Variants in NAV3 observed in about 807,000 individuals in gnomAD.
NAV3 encodes the protein neuron navigator 3.
A neutral mutation model predicts 244.7 loss-of-function variants in NAV3; 87 were observed. The ratio of observed to expected loss-of-function variants is 0.36; its 90% CI spans 0.30 to 0.42. NAV3 has a LOEUF of 0.42. Ranked by LOEUF, NAV3 falls within the 20% of genes least tolerant of loss-of-function variation. NAV3 has a pLI of 1.00. For missense variants in NAV3, 2,663 were observed against 2,893.3 expected, an observed-to-expected ratio of 0.92 and a Z score of 1.83; for synonymous variants, 1,126 against 1,042.2, an observed-to-expected ratio of 1.08 and a Z score of -1.55.
intron 5 of NAV3, among the ~76,000 whole-genome samples, chr12:77,979,942 C>A (rs748162673): frequency 2.4e-4 from 36 of 151,888 alleles, no homozygotes; most frequent in African/African-American, 8.5e-4. Context: ...AGAAGGGATA[C>A]CAGTCTCAAA....
intron 2 of NAV3, among the ~76,000 whole-genome samples, chr12:77,662,223 ATCTG>A (rs540033274): frequency 0.098 from 11,101 of 112,788 alleles, 495 homozygotes; most frequent in Admixed American, 0.15. Context: ...CTTCATATCT[ATCTG>A]TCTATCTATC....
chr12:77,806,636 T>C (rs990896441), intron 2 of NAV3, among the ~76,000 whole-genome samples: 1 of 152,226 alleles, frequency 6.6e-6, no homozygotes, highest in African/African-American at 2.4e-5. Flanking sequence ...GAAGAATGTG[T>C]ATTCTGTTGA....
chr12:77,965,962 G>A (rs761451576), intron 3 of NAV3, among the ~76,000 whole-genome samples: 15 of 152,120 alleles, frequency 9.9e-5, no homozygotes, highest in Non-Finnish European at 2.1e-4. Context: ...CCAGTTTTAT[G>A]TTAAGTAGGT....
intron 2 of NAV3, among the ~76,000 whole-genome samples, chr12:77,676,823 C>T (rs984545611): frequency 6.6e-6 from 1 of 151,886 alleles, no homozygotes; most frequent in African/African-American, 2.4e-5. Context: ...AGAAAAGGCC[C>T]CCTCCCCTCC....
chr12:77,635,469 C>T (rs1335069583), intron 2 of NAV3, among the ~76,000 whole-genome samples: 1 of 152,084 alleles, frequency 6.6e-6, no homozygotes, highest in Non-Finnish European at 1.5e-5. Context: ...AAACTTTTCT[C>T]CTGAAATCTT....
chr12:78,025,181 C>G (rs566499740), intron 9 of NAV3, among the ~76,000 whole-genome samples: 2 of 152,266 alleles, frequency 1.3e-5, no homozygotes, highest in South Asian at 4.1e-4. Flanking sequence ...ATCCAAGGAT[C>G]AAGTCTCAGG....
chr12:77,812,592 G>A lies in NAV3; in HGVS notation c.73-127727G>A, dbSNP rs113780008. ...ACTATGCCCGGCTAATTTTTGTCTC[G>A]TTAGTAGAGATGAGGTTTCACCACA... On this transcript the variant is annotated intron_variant, in intron 2 of 8. Transcript: ENST00000550042. 1.3e-3 allele frequency among the ~76,000 whole-genome samples: 199 copies of A among 151,712 alleles called. 2 individuals carry two copies. Among genetic ancestry groups the A allele is most frequent in the African/African-American group, 4.6e-3 (189 of 41,370 alleles).
chr12:77,878,863 T>A (rs1489141550), intron 1 of NAV3, among the ~76,000 whole-genome samples: 1 of 152,102 alleles, frequency 6.6e-6, no homozygotes, highest in East Asian at 1.9e-4. Flanking sequence ...TGGACTTGAA[T>A]TATTTTCTCA....
At chr12:78,036,739 G>A in intron 9 of NAV3, 2 of 591,912 alleles carry the variant, frequency 3.4e-6, no homozygotes, top group South Asian at 4.2e-5. Context: ...AATCTTCTGT[G>A]AATGTGTGAG....
intron 1 of NAV3, among the ~76,000 whole-genome samples, chr12:77,939,486 C>T (rs926974251): frequency 6.6e-5 from 10 of 152,144 alleles, no homozygotes; most frequent in Admixed American, 4.6e-4. Flanking sequence ...AATAAATCCA[C>T]TAATATATGC....
At chr12:78,148,785 T>A in intron 21 of NAV3, 57 bp from the exon 22 acceptor site, 2 of 1,494,230 alleles carry the variant, frequency 1.3e-6, no homozygotes, top group Non-Finnish European at 1.8e-6. Flanking sequence ...GTTTGAATTC[T>A]GGGTTTTAAG....
chr12:77,641,287 T>A (rs76694910), intron 2 of NAV3, among the ~76,000 whole-genome samples: 1,766 of 152,138 alleles, frequency 0.012, 23 homozygotes, highest in African/African-American at 0.041. Context: ...GAAGGAGACA[T>A]CTCAGTGAGA....
At chr12:78,101,493 C>T (rs989352650) in intron 12 of NAV3, among the ~76,000 whole-genome samples, 3 of 151,870 alleles carry the variant, frequency 2.0e-5, no homozygotes, top group Non-Finnish European at 4.4e-5. Flanking sequence ...TTTTGTAGGT[C>T]GAGAGTAAGG....
chr12:77,765,885 A>C (rs1037384220), intron 2 of NAV3, among the ~76,000 whole-genome samples: 7 of 152,182 alleles, frequency 4.6e-5, no homozygotes, highest in Admixed American at 2.6e-4. Context: ...AGAAGAAAAA[A>C]TATATAATAA....
Position 78,159,214 on chromosome 12 carries a change from A to G in NAV3, c.4797A>G (p.Val1599=), listed in dbSNP as rs1402187986. The G allele has an allele frequency of 6.2e-7, 1 of 1,613,182 alleles. No homozygotes were observed. The highest frequency in any genetic ancestry group is 1.7e-5 in the Admixed American group (1 of 59,920). The stretch of plus-strand genomic sequence containing the variant: ...CATTCTGTTCACAGGCTCACCTTGT[A>G]GCAGCTTTTGAAAAGAGCTTAGGGA... The part of the protein sequence containing the change: ...TSQLSANAHL[V]AAFEKSLGNM... Residue 1599 remains valine, a synonymous_variant, in exon 23 of 40, where the codon GTA becomes GTG. Coordinates refer to ENST00000397909, the MANE Select transcript of NAV3 (RefSeq NM_001024383.2).
rs61932079 is a variant in NAV3, at chr12:77,642,569, T to C, written c.72+70303T>C. 9.8e-3 allele frequency among the ~76,000 whole-genome samples: 1,488 copies of C among 152,204 alleles called. 10 individuals are homozygous for C. Among genetic ancestry groups the C allele is most frequent in the Non-Finnish European group, 0.017 (1,154 of 67,972 alleles). ...ACAGTCTGGAAGACTGAGGGTAGTA[T>C]GCGCTATGGGAATGCTTAAAAATCA... On this transcript the variant is annotated intron_variant, in intron 2 of 8. Coordinates refer to the NAV3 transcript ENST00000550042.
At chr12:78,127,087 C>A (rs2138804836) in intron 16 of NAV3, 80 bp from the exon 17 acceptor site, 1 of 1,433,260 alleles carries the variant, frequency 7.0e-7, no homozygotes, top group South Asian at 1.2e-5. Context: ...TTTTATAGTT[C>A]AGAGAACCAT....
At chr12:77,984,451 C>T (rs1263281381) in intron 5 of NAV3, among the ~76,000 whole-genome samples, 1 of 151,002 alleles carries the variant, frequency 6.6e-6, no homozygotes, top group Non-Finnish European at 1.5e-5. Flanking sequence ...AGAATATTTA[C>T]AGTGCCTCCA....
At chr12:78,139,493 A>G (rs1956514691) in intron 19 of NAV3, among the ~76,000 whole-genome samples, 1 of 152,182 alleles carries the variant, frequency 6.6e-6, no homozygotes, top group Non-Finnish European at 1.5e-5. Flanking sequence ...TTCATACTCA[A>G]CTAATGTTTG....
Sources: allele counts gnomAD v4.1 joint callset (sites outside exome capture counted in the v4.1 genomes callset), GRCh38; gene constraint gnomAD v4.1.1; transcripts MANE v1.5; gene names NCBI Gene and HGNC (gene_info 2026-07-23, HGNC 2026-07-21).